Variants in PTPRD observed in about 807,000 individuals in gnomAD.
PTPRD encodes receptor-type tyrosine-protein phosphatase delta.
PTPRD carries 34 observed loss-of-function variants against 214.5 expected under a neutral mutation model. That is an observed-to-expected ratio of 0.16 (90% CI 0.12 to 0.21). The LOEUF (loss-of-function observed/expected upper bound fraction) is 0.21. Among genes scored for constraint, PTPRD ranks in the 10% least tolerant of loss-of-function variants. PTPRD has a pLI of 1.00. For synonymous variants in PTPRD, 1,128 were observed against 845.7 expected (o/e 1.33, Z -5.79); for missense variants, 2,545 against 2,398.7 (o/e 1.06, Z -1.27).
chr9:9,667,736 A>G (rs1408754316), intron 7 of PTPRD, among the ~76,000 whole-genome samples: 1 of 152,096 alleles, frequency 6.6e-6, no homozygotes, highest in Non-Finnish European at 1.5e-5. Flanking sequence ...CGTACCTCTG[A>G]ATCATTTGTG....
chr9:9,947,362 ATT>A (rs1491424269), intron 4 of PTPRD, among the ~76,000 whole-genome samples: 1 of 59,598 alleles, frequency 1.7e-5, no homozygotes, highest in Admixed American at 3.2e-4. Context: ...TATTATATAT[ATT>A]ATATATATAT....
intron 8 of PTPRD, among the ~76,000 whole-genome samples, chr9:9,420,420 A>G (rs2078349648): frequency 6.6e-6 from 1 of 151,838 alleles, no homozygotes; most frequent in Non-Finnish European, 1.5e-5. Context: ...GTTTATCATG[A>G]TAGGTTCTAG....
At chr9:9,674,027 C>T (rs1196218954) in intron 7 of PTPRD, among the ~76,000 whole-genome samples, 1 of 151,644 alleles carries the variant, frequency 6.6e-6, no homozygotes, top group African/African-American at 2.4e-5. Context: ...GTTGGAGTAA[C>T]AGCTACAGGA....
intron 3 of PTPRD, among the ~76,000 whole-genome samples, chr9:10,272,210 T>A (rs974660363): frequency 1.3e-5 from 2 of 152,190 alleles, no homozygotes; most frequent in African/African-American, 2.4e-5. Context: ...TAATATGTGG[T>A]CTCCTTTGTG....
At chr9:8,501,580 C>T (rs146339741) in intron 23 of PTPRD, among the ~76,000 whole-genome samples, 11 of 152,238 alleles carry the variant, frequency 7.2e-5, no homozygotes, top group African/African-American at 2.6e-4. Context: ...ACTGCTAATG[C>T]CCTTCTACCA....
intron 11 of PTPRD, among the ~76,000 whole-genome samples, chr9:9,007,488 C>T (rs951083300): frequency 1.3e-5 from 2 of 151,484 alleles, no homozygotes; most frequent in African/African-American, 4.8e-5. Flanking sequence ...TTTTTATGTG[C>T]TTGACCCTAT....
intron 8 of PTPRD, among the ~76,000 whole-genome samples, chr9:9,461,414 C>G (rs908064776): frequency 6.6e-6 from 1 of 151,740 alleles, no homozygotes; most frequent in Admixed American, 6.6e-5. Context: ...AATTAATGTC[C>G]CCAAATCAGC....
chr9:9,312,344 G>A (rs1959231447), intron 9 of PTPRD, among the ~76,000 whole-genome samples: 1 of 152,102 alleles, frequency 6.6e-6, no homozygotes, highest in African/African-American at 2.4e-5. Context: ...CTATATTACA[G>A]GGGATTTTAA....
At chr9:9,132,992 T>G (rs569248495) in intron 10 of PTPRD, among the ~76,000 whole-genome samples, 32 of 152,322 alleles carry the variant, frequency 2.1e-4, no homozygotes, top group African/African-American at 6.0e-4. Context: ...TAGTTTTTCT[T>G]TTTTCATTTT....
chr9:8,702,966 G>C (rs1019834876), intron 12 of PTPRD, among the ~76,000 whole-genome samples: 2 of 152,172 alleles, frequency 1.3e-5, no homozygotes, highest in Non-Finnish European at 2.9e-5. Context: ...TTTGGGGAGA[G>C]TTAGCACTAC....
chr9:9,835,551 G>A (rs1310910160), intron 5 of PTPRD, among the ~76,000 whole-genome samples: 3 of 152,108 alleles, frequency 2.0e-5, no homozygotes, highest in South Asian at 2.1e-4. Context: ...GACAAATGGG[G>A]TTTGAAACAA....
intron 7 of PTPRD, among the ~76,000 whole-genome samples, chr9:9,629,514 G>A (rs551863922): frequency 1.3e-5 from 2 of 152,002 alleles, no homozygotes; most frequent in African/African-American, 2.4e-5. Context: ...TAGACTTGTG[G>A]CTAAGACCTA....
intron 7 of PTPRD, among the ~76,000 whole-genome samples, chr9:9,718,398 T>G (rs889613075): frequency 9.9e-5 from 15 of 151,770 alleles, no homozygotes; most frequent in African/African-American, 3.1e-4. Flanking sequence ...GCAGGGGAGG[T>G]GCAGCTGGGG....
intron 9 of PTPRD, among the ~76,000 whole-genome samples, chr9:9,270,362 G>A (rs1942320212): frequency 6.6e-6 from 1 of 151,324 alleles, no homozygotes; most frequent in African/African-American, 2.4e-5. Flanking sequence ...TGTAGAGAAA[G>A]CCTCTCTGTA....
intron 2 of PTPRD, among the ~76,000 whole-genome samples, chr9:10,469,684 G>A (rs1341197999): frequency 2.6e-5 from 4 of 152,040 alleles, no homozygotes; most frequent in South Asian, 2.1e-4. Flanking sequence ...AAGAAAAACT[G>A]CATATAAAAG....
intron 3 of PTPRD, among the ~76,000 whole-genome samples, chr9:10,085,876 C>A (rs989249877): frequency 6.6e-6 from 1 of 151,818 alleles, no homozygotes; most frequent in Non-Finnish European, 1.5e-5. Context: ...TATTTCAGGG[C>A]AGTGTGATGA....
chr9:8,807,713 T>A (rs564113882), intron 11 of PTPRD, among the ~76,000 whole-genome samples: 2 of 152,202 alleles, frequency 1.3e-5, no homozygotes, highest in East Asian at 3.9e-4. Flanking sequence ...ACACAAAACG[T>A]CTTTCATGGT....
At chr9:10,407,306 T>C (rs1157553885) in intron 2 of PTPRD, among the ~76,000 whole-genome samples, 1 of 151,614 alleles carries the variant, frequency 6.6e-6, no homozygotes, top group Non-Finnish European at 1.5e-5. Flanking sequence ...ATGAATGTTA[T>C]ATATACACAT....
intron 8 of PTPRD, among the ~76,000 whole-genome samples, chr9:9,448,953 T>A (rs1439103059): frequency 6.6e-6 from 1 of 152,078 alleles, no homozygotes; most frequent in African/African-American, 2.4e-5. Context: ...TGTTAGTTAT[T>A]TGCACAGATG....
Sources: allele counts gnomAD v4.1 joint callset (sites outside exome capture counted in the v4.1 genomes callset), GRCh38; gene constraint gnomAD v4.1.1; transcripts MANE v1.5; gene names NCBI Gene and HGNC (gene_info 2026-07-23, HGNC 2026-07-21).